Variants in STAB2 observed in about 807,000 individuals in gnomAD.
STAB2 encodes the protein stabilin 2, also known as stabilin-2.
In STAB2, 288 loss-of-function variants were observed where a neutral mutation model predicts 338.1. That is an observed-to-expected ratio of 0.85 (90% CI 0.77 to 0.94). STAB2 has a LOEUF of 0.94. STAB2 is among the 40% of genes least tolerant of loss of function. The pLI is 0.00. For missense variants in STAB2, 3,141 were observed against 3,210.1 expected (o/e 0.98, Z 0.52); for synonymous variants, 1,202 against 1,193.3 (o/e 1.01, Z -0.15).
chr12:103,601,548 C>T (rs371665480), intron 3 of STAB2, among the ~76,000 whole-genome samples: 2 of 152,266 alleles, frequency 1.3e-5, no homozygotes, highest in East Asian at 1.9e-4. Context: ...CCCAAGATCG[C>T]GTCAATGCAC....
In STAB2 at chr12:103,759,154, G is replaced by C; in HGVS notation, c.7129G>C (p.Glu2377Gln). 1.2e-6 allele frequency: 2 copies of C among 1,614,072 alleles called. No individual in the cohort carries two copies. The highest frequency in any genetic ancestry group is 1.7e-6 in the Non-Finnish European group (2 of 1,180,028). ...ENETLSGRDI[E>Q]HHLANVSMFF... ...TCAGACCTTGTCTGGGCGGGACATC[G>C]AGCACCACCTCGCCAATGTCAGCAT... Residue 2377 changes from glutamate (E) to glutamine (Q), a missense_variant, in exon 65 of 69, where the codon GAG (glutamate) becomes CAG (glutamine). Glu to Gln is a conservative substitution (Grantham distance 29). Transcript: ENST00000388887.
chr12:103,711,238 C>T, intron 39 of STAB2: 1 of 579,302 alleles, frequency 1.7e-6, no homozygotes, highest in Non-Finnish European at 3.1e-6. Context: ...TCCTCACTGC[C>T]TAGCACAGGG....
chr12:103,702,007 CACACACACACACACA>C (rs1878917437), intron 34 of STAB2, among the ~76,000 whole-genome samples: 1 of 146,268 alleles, frequency 6.8e-6, no homozygotes, highest in African/African-American at 2.5e-5. Context: ...CACACACACA[CACACACACACACACA>C]CCCCACCCCA....
intron 23 of STAB2, among the ~76,000 whole-genome samples, chr12:103,674,459 C>A (rs1343879819): frequency 6.6e-6 from 1 of 152,128 alleles, no homozygotes; most frequent in Non-Finnish European, 1.5e-5. Context: ...CAAAGATGTT[C>A]CATTATGGAA....
chr12:103,712,450 G>A lies in STAB2; in HGVS notation c.4411+7G>A, dbSNP rs550556705. The A allele has an allele frequency of 8.1e-6, 13 of 1,611,206 alleles. No individual in the cohort carries two copies. The highest frequency in any genetic ancestry group is 1.7e-4 in the Middle Eastern group (1 of 5,740). On this transcript the variant is annotated splice_region_variant and intron_variant, in intron 41 of 68. Transcript: ENST00000388887. ...AACGGGACCATCTGCACAGGCAAGC[G>A]AAGGAAGGAATTTGCTGGGGGGGCT...
At chr12:103,679,984 G>A (rs1184073365) in intron 25 of STAB2, among the ~76,000 whole-genome samples, 2 of 152,228 alleles carry the variant, frequency 1.3e-5, no homozygotes, top group Admixed American at 1.3e-4. Context: ...TGCAACATGG[G>A]TGAACCTTGA....
intron 30 of STAB2, 70 bp from the exon 31 acceptor site, chr12:103,692,742 C>G (rs1878056215): frequency 6.0e-6 from 8 of 1,334,190 alleles, no homozygotes; most frequent in Middle Eastern, 1.8e-4. Context: ...AGCAGAAACC[C>G]CAGAGATCAT....
chr12:103,729,052 C>A, intron 48 of STAB2, 57 bp downstream of exon 48: 5 of 1,571,886 alleles, frequency 3.2e-6, no homozygotes, highest in Non-Finnish European at 4.4e-6. Flanking sequence ...TTTGCAGGAA[C>A]CTGGATGGAG....
At chr12:103,624,641 A>T (rs1957352566) in intron 5 of STAB2, among the ~76,000 whole-genome samples, 1 of 152,146 alleles carries the variant, frequency 6.6e-6, no homozygotes, top group Non-Finnish European at 1.5e-5. Context: ...GCAAAAGCAA[A>T]TTTAAAACAG....
intron 9 of STAB2, among the ~76,000 whole-genome samples, chr12:103,644,395 G>GGAAGGC (rs1873175490): frequency 6.7e-6 from 1 of 149,776 alleles, no homozygotes; most frequent in Non-Finnish European, 1.5e-5. Context: ...CAAACACTGC[G>GGAAGGC]GAAGGCCGCA....
At chr12:103,743,087 A>G (rs1029779427) in intron 56 of STAB2, among the ~76,000 whole-genome samples, 1 of 149,600 alleles carries the variant, frequency 6.7e-6, no homozygotes, top group Non-Finnish European at 1.5e-5. Flanking sequence ...CAATGGCGCA[A>G]TCTCAGCTCA....
chr12:103,643,929 G>T (rs866638890), intron 9 of STAB2, among the ~76,000 whole-genome samples: 1 of 88,286 alleles, frequency 1.1e-5, no homozygotes. Context: ...CCCTCTGCCC[G>T]GCCAGCCGCC....
At chr12:103,731,123 TACCACCAAC>T (rs983307001) in intron 49 of STAB2, among the ~76,000 whole-genome samples, 3 of 152,136 alleles carry the variant, frequency 2.0e-5, no homozygotes, top group African/African-American at 4.8e-5. Context: ...CTGATAACCT[TACCACCAAC>T]ACCAGGCTGT....
intron 65 of STAB2, 150 bp downstream of exon 65, chr12:103,759,423 A>G: frequency 8.3e-7 from 1 of 1,205,044 alleles, no homozygotes; most frequent in Non-Finnish European, 1.1e-6. Flanking sequence ...CCACTACAGC[A>G]TACCACACTG....
chr12:103,759,818 TAGG>T (rs1412233737), intron 65 of STAB2, among the ~76,000 whole-genome samples: 3 of 152,306 alleles, frequency 2.0e-5, no homozygotes, highest in East Asian at 1.9e-4. Context: ...ATACGATAAA[TAGG>T]AGAGAAGCAT....
rs565071329 is a variant in STAB2, at chr12:103,669,689, A to G, written c.2259+62A>G. The stretch of plus-strand genomic sequence containing the variant: ...AAACAATAATTTTTAGAACTTCTAA[A>G]CCAAAATGTGATATAATGCCAGCTA... On this transcript the variant is annotated intron_variant, in intron 21 of 68. Coordinates refer to ENST00000388887, the MANE Select transcript of STAB2 (RefSeq NM_017564.10). 51 of 1,478,194 alleles carry G rather than the reference A, an allele frequency of 3.5e-5. No individual in the cohort carries two copies. In the South Asian group the frequency reaches 4.9e-4, roughly 14 times the overall value. The allele number at this position is 1,478,194 out of a possible 1,614,324, so 91.6% of individuals were successfully genotyped here.
chr12:103,706,655 C>T, intron 37 of STAB2, 137 bp from the exon 38 acceptor site: 2 of 1,166,404 alleles, frequency 1.7e-6, no homozygotes, highest in Non-Finnish European at 2.4e-6. Flanking sequence ...GAGGGTCCTG[C>T]CCCCACCCCT....
In STAB2 at chr12:103,637,123, G is replaced by A. The variant is rs1957559894; in HGVS notation, c.596G>A (p.Cys199Tyr). The A allele has an allele frequency of 3.7e-6, 6 of 1,606,680 alleles. No individual in the cohort carries two copies. Among genetic ancestry groups the A allele is most frequent in the South Asian group, 3.4e-5 (3 of 89,442 alleles). The change falls in exon 7 of 69, where the codon TGT (cysteine) becomes TAT (tyrosine). Residue 199 changes from cysteine (C) to tyrosine (Y), a missense_variant. Physicochemically the swap from Cys to Tyr is radical, Grantham distance 194 (BLOSUM62 -2). Transcript: ENST00000388887. ...TTTTCCTATGCAGCCATCCCTGAAT[G>A]TGCAGCCTTGCTCTGCCCAGAAAAT... ...GPKCDKPIPECAALLCPENSR... is the reference protein window; with the variant it reads ...GPKCDKPIPEYAALLCPENSR...
At chr12:103,661,898 G>C (rs541441624) in intron 17 of STAB2, among the ~76,000 whole-genome samples, 15 of 152,192 alleles carry the variant, frequency 9.9e-5, no homozygotes, top group African/African-American at 3.6e-4. Flanking sequence ...GGAGGAGAGT[G>C]GGGGTCAGGT....
Sources: allele counts gnomAD v4.1 joint callset (sites outside exome capture counted in the v4.1 genomes callset), GRCh38; gene constraint gnomAD v4.1.1; transcripts MANE v1.5; gene names NCBI Gene and HGNC (gene_info 2026-07-23, HGNC 2026-07-21).